Variants in UTS2B observed in about 807,000 individuals in gnomAD.
UTS2B encodes the protein urotensin-2B.
A neutral mutation model predicts 19.2 loss-of-function variants in UTS2B; 21 were observed. That is an observed-to-expected ratio of 1.09 (90% CI 0.78 to 1.58). The LOEUF is 1.58. Ranked by LOEUF, UTS2B falls within the 40% of genes most tolerant of loss-of-function variation. UTS2B has a pLI of 0.00. For synonymous variants in UTS2B, 57 were observed against 50.2 expected, an observed-to-expected ratio of 1.14 and a Z score of -0.58; for missense variants, 138 against 130.3, an observed-to-expected ratio of 1.06 and a Z score of -0.29.
At chr3:191,282,572 TA>T (rs1280940906) in intron 4 of UTS2B, among the ~76,000 whole-genome samples, 1 of 152,210 alleles carries the variant, frequency 6.6e-6, no homozygotes, top group Non-Finnish European at 1.5e-5. Flanking sequence ...ATTTATGGTT[TA>T]ATTTCCAGAT....
the UTS2B span, among the ~76,000 whole-genome samples, chr3:191,336,605 A>C: frequency 6.6e-6 from 1 of 152,134 alleles, no homozygotes; most frequent in Non-Finnish European, 1.5e-5. Context: ...ATGCTTTTAA[A>C]AACCTTAGTT....
intron 5 of UTS2B, among the ~76,000 whole-genome samples, chr3:191,278,865 A>G (rs535380728): frequency 1.1e-4 from 16 of 152,190 alleles, no homozygotes; most frequent in African/African-American, 3.8e-4. Context: ...TGAAATAATA[A>G]TTAGTATATT....
chr3:191,305,942 T>G (rs958059981), intron 3 of UTS2B, among the ~76,000 whole-genome samples: 15 of 152,250 alleles, frequency 9.9e-5, no homozygotes, highest in Non-Finnish European at 1.8e-4. Flanking sequence ...TGCTTTTTTT[T>G]GGGGGGTCAG....
chr3:191,313,002 A>C (rs1306538901), intron 3 of UTS2B, among the ~76,000 whole-genome samples: 1 of 150,460 alleles, frequency 6.6e-6, no homozygotes, highest in Non-Finnish European at 1.5e-5. Context: ...TTTAACATTA[A>C]TAACTGTCAA....
chr3:191,321,596 G>C (rs1187126131), intron 2 of UTS2B, among the ~76,000 whole-genome samples: 1 of 152,184 alleles, frequency 6.6e-6, no homozygotes, highest in Non-Finnish European at 1.5e-5. Context: ...TATAGACTGT[G>C]TAGTCAGAAC....
intron 4 of UTS2B, among the ~76,000 whole-genome samples, chr3:191,283,256 A>G (rs1716436887): frequency 6.6e-6 from 1 of 152,202 alleles, no homozygotes; most frequent in African/African-American, 2.4e-5. Flanking sequence ...TGTACCAGCC[A>G]CATTAGACTA....
intron 4 of UTS2B, among the ~76,000 whole-genome samples, chr3:191,289,822 A>C (rs1239518070): frequency 6.6e-6 from 1 of 152,204 alleles, no homozygotes; most frequent in Non-Finnish European, 1.5e-5. Flanking sequence ...AGAGATGTTT[A>C]AAAGACACAA....
intron 1 of UTS2B, chr3:191,329,818 C>G: frequency 7.5e-7 from 1 of 1,342,096 alleles, no homozygotes; most frequent in Admixed American, 2.1e-5. Context: ...CTCCCGCGGC[C>G]CTCGCCCGGT....
chr3:191,321,805 T>C (rs946079420), intron 2 of UTS2B, among the ~76,000 whole-genome samples: 2 of 152,202 alleles, frequency 1.3e-5, no homozygotes, highest in Non-Finnish European at 2.9e-5. Flanking sequence ...GGTGGGCAGA[T>C]CACCTGAGGT....
intron 1 of UTS2B, 68 bp downstream of exon 1, chr3:191,330,346 A>AC (rs1717936902): frequency 6.5e-6 from 1 of 152,988 alleles, no homozygotes; most frequent in African/African-American, 2.4e-5. Flanking sequence ...AGCGAGGGGA[A>AC]CAGGGGACTG....
chr3:191,318,963 CTT>C (rs1717538829), intron 2 of UTS2B, among the ~76,000 whole-genome samples: 1 of 151,898 alleles, frequency 6.6e-6, no homozygotes, highest in African/African-American at 2.4e-5. Context: ...TTATGAAAAA[CTT>C]TTATTTTATA....
At chr3:191,295,106 A>G (rs1716823952) in intron 4 of UTS2B, among the ~76,000 whole-genome samples, 1 of 152,026 alleles carries the variant, frequency 6.6e-6, no homozygotes. Context: ...AAGTTTTATT[A>G]GGACACTCAT....
chr3:191,312,807 G>C (rs957160257), intron 3 of UTS2B, among the ~76,000 whole-genome samples: 1 of 152,092 alleles, frequency 6.6e-6, no homozygotes, highest in Non-Finnish European at 1.5e-5. Context: ...AATTATATTT[G>C]CCTGGGGCTA....
intron 1 of UTS2B, chr3:191,329,791 G>A: frequency 6.5e-7 from 1 of 1,541,878 alleles, no homozygotes; most frequent in Non-Finnish European, 8.8e-7. Context: ...CTCAGGTCAG[G>A]GGCGTTGCCA....
intron 5 of UTS2B, among the ~76,000 whole-genome samples, chr3:191,280,869 A>G (rs1464666617): frequency 6.6e-6 from 1 of 152,188 alleles, no homozygotes; most frequent in East Asian, 1.9e-4. Flanking sequence ...AGAAAGAGCA[A>G]CGTAGACCTA....
intron 8 of UTS2B, among the ~76,000 whole-genome samples, chr3:191,270,937 G>T (rs1370795046): frequency 2.0e-5 from 3 of 152,132 alleles, no homozygotes; most frequent in African/African-American, 7.2e-5. Context: ...CAGTTGTGGT[G>T]GCTCATGCCT....
chr3:191,317,831 C>A (rs1294398403), intron 2 of UTS2B, among the ~76,000 whole-genome samples: 2 of 152,196 alleles, frequency 1.3e-5, no homozygotes, highest in East Asian at 3.8e-4. Flanking sequence ...CTGCTCAGCT[C>A]ACCTTCCCAA....
intron 3 of UTS2B, among the ~76,000 whole-genome samples, chr3:191,313,182 A>G (rs574801603): frequency 3.9e-4 from 60 of 152,154 alleles, no homozygotes; most frequent in African/African-American, 1.1e-3. Flanking sequence ...TTTAGTAGAG[A>G]TGAGGTTTCA....
chr3:191,329,664 C>T (rs200881119), intron 1 of UTS2B: 116 of 1,607,606 alleles, frequency 7.2e-5, no homozygotes, highest in Non-Finnish European at 9.0e-5. Context: ...CAACCGGGAC[C>T]CTGGCCCGGT....
Sources: gnomAD v4.1 joint callset for allele counts (sites outside exome capture counted in the v4.1 genomes callset) on GRCh38, gnomAD v4.1.1 for gene constraint, MANE v1.5 for transcripts, NCBI Gene and HGNC (gene_info 2026-07-23, HGNC 2026-07-21) for gene names.